HIVEP2: variants seen among roughly 807,000 people sequenced by gnomAD.
The protein encoded by HIVEP2 is transcription factor HIVEP2.
HIVEP2 carries 14 observed loss-of-function variants against 180.7 expected under a neutral mutation model. That is an observed-to-expected ratio of 0.08 (90% CI 0.05 to 0.12). The LOEUF (loss-of-function observed/expected upper bound fraction) is 0.12. HIVEP2 is among the 10% of genes least tolerant of loss of function. The pLI is 1.00. For synonymous variants in HIVEP2, 1,184 were observed against 1,136.4 expected (o/e 1.04, Z -0.84); for missense variants, 2,579 against 3,008.5 (o/e 0.86, Z 3.34).
chr6:142,771,621 G>T lies in HIVEP2; in HGVS notation c.3118C>A (p.Pro1040Thr). 6.2e-7 allele frequency: 1 copy of T among 1,614,154 alleles called. No individual in the cohort carries two copies. The change falls in exon 5 of 10, where the codon CCA (proline) becomes ACA (threonine). Residue 1040 changes from proline to threonine, a missense_variant. Physicochemically the swap from Pro to Thr is conservative, Grantham distance 38 (BLOSUM62 -1). This residue lies in a region of HIVEP2 where 523 missense variants were observed against 577.0 expected (regional missense o/e 0.91). Transcript: ENST00000367603. The surrounding 1 kb of genome is among the most constrained non-coding windows in gnomAD (Gnocchi z 5.4). ...CSSEQMPCPH[P>T]AEVPEVRSKS... Reference sequence around the variant, plus strand: ...CTCCGAACTTCTGGGACTTCCGCTGGGTGAGGACAAGGCATCTGCTCTGAT... The same window carrying T: ...CTCCGAACTTCTGGGACTTCCGCTGTGTGAGGACAAGGCATCTGCTCTGAT...
chr6:142,804,350 A>C (rs2114771276), intron 2 of HIVEP2, among the ~76,000 whole-genome samples: 1 of 152,268 alleles, frequency 6.6e-6, no homozygotes, highest in Non-Finnish European at 1.5e-5. Context: ...AGGTACAATA[A>C]TAGGGTCACA....
At chr6:142,880,153 T>C (rs1776546429) in intron 1 of HIVEP2, among the ~76,000 whole-genome samples, 1 of 152,150 alleles carries the variant, frequency 6.6e-6, no homozygotes, top group Non-Finnish European at 1.5e-5. Context: ...AAAGCAGGAA[T>C]ATTTCCCAGG....
chr6:142,764,638 TC>T lies in HIVEP2; in HGVS notation c.5518+160del, dbSNP rs571810265. Among the ~76,000 whole-genome samples, 7 of 152,330 alleles carry T rather than the reference TC, an allele frequency of 4.6e-5. No individual in the cohort carries two copies. In the East Asian group the frequency reaches 1.3e-3, roughly 29 times the overall value. Reference sequence around the variant, plus strand: ...AAGGAGCCTCACAGTCTCACATACATCCTTTGATCACTTACTTGAGGGAGAA... The same window carrying T: ...AAGGAGCCTCACAGTCTCACATACATCTTTGATCACTTACTTGAGGGAGAA... On this transcript the variant is annotated intron_variant, in intron 7 of 9. Transcript: ENST00000367603.
chr6:142,913,562 C>A (rs149697394), intron 1 of HIVEP2, among the ~76,000 whole-genome samples: 3 of 152,254 alleles, frequency 2.0e-5, no homozygotes, highest in Admixed American at 1.3e-4. Context: ...TTCCCACAAG[C>A]CTTGGAAGAA....
At chr6:142,866,888 TAAAAAGCG>T (rs1301551853) in intron 1 of HIVEP2, among the ~76,000 whole-genome samples, 1 of 152,048 alleles carries the variant, frequency 6.6e-6, no homozygotes, top group Non-Finnish European at 1.5e-5. Flanking sequence ...ACTATCTTTA[TAAAAAGCG>T]AAAAAGAAAA....
rs142363770 is a variant in HIVEP2 at position 142,844,298 on chromosome 6, T to C, written c.-640-7251A>G. The stretch of plus-strand genomic sequence containing the variant: ...ATAAACATTCAATCTCTAAACTTTT[T>C]TTTTTTAATGAAGAGAATTGCAGAG... On this transcript the variant is annotated intron_variant, in intron 1 of 9. Transcript: ENST00000367603. Among the ~76,000 whole-genome samples, 339 of 152,288 alleles carry C rather than the reference T, an allele frequency of 2.2e-3. 1 individual carries two copies. Among genetic ancestry groups the C allele is most frequent in the Non-Finnish European group, 3.3e-3 (225 of 68,008 alleles).
At chr6:142,878,230 CAG>C (rs1422938193) in intron 1 of HIVEP2, among the ~76,000 whole-genome samples, 1 of 152,148 alleles carries the variant, frequency 6.6e-6, no homozygotes, top group Non-Finnish European at 1.5e-5. Context: ...ATGATGGAAA[CAG>C]AGTGTACTCT....
chr6:142,817,866 C>A (rs1776884140), intron 2 of HIVEP2, among the ~76,000 whole-genome samples: 1 of 151,946 alleles, frequency 6.6e-6, no homozygotes, highest in African/African-American at 2.4e-5. Flanking sequence ...ATTAGCTGGG[C>A]CTGGTGGCAC....
At chr6:142,776,674 G>C (rs1051973252) in intron 3 of HIVEP2, among the ~76,000 whole-genome samples, 1 of 152,068 alleles carries the variant, frequency 6.6e-6, no homozygotes, top group Non-Finnish European at 1.5e-5. Context: ...TGGGACTAAA[G>C]GCATGCACCA....
chr6:142,828,948 A>G (rs1290527608), intron 2 of HIVEP2, among the ~76,000 whole-genome samples: 2 of 152,108 alleles, frequency 1.3e-5, no homozygotes, highest in Admixed American at 6.5e-5. Flanking sequence ...TAGAATATTC[A>G]TCTACAGTAT....
At chr6:142,781,423 C>T (rs979940418) in intron 3 of HIVEP2, among the ~76,000 whole-genome samples, 2 of 152,132 alleles carry the variant, frequency 1.3e-5, no homozygotes, top group Admixed American at 6.5e-5. Context: ...AAAATTTTCT[C>T]TAGTGGGTTT....
intron 1 of HIVEP2, among the ~76,000 whole-genome samples, chr6:142,893,704 C>T (rs544227127): frequency 3.5e-4 from 54 of 152,188 alleles, no homozygotes; most frequent in Non-Finnish European, 5.6e-4. Flanking sequence ...CTATCCAGTT[C>T]TATTCTACAA....
Position 142,774,375 on chromosome 6 carries a change from G to A in HIVEP2, c.364C>T (p.Pro122Ser), listed in dbSNP as rs2114665038. The change falls in exon 5 of 10, where the codon CCT becomes TCT. Residue 122 changes from proline (P) to serine (S), a missense_variant. By Grantham distance (74) the Pro-to-Ser change is moderately conservative. Around this residue, in one of 11 missense-constraint regions of HIVEP2, gnomAD observed 207 missense variants for 210.1 expected, o/e 0.99. Coordinates refer to ENST00000367603, the MANE Select transcript of HIVEP2 (RefSeq NM_006734.4). This position sits in a 1 kb window ranked among gnomAD's most constrained non-coding sequence, Gnocchi z 5.1. ...STKPHQSLEG[P>S]PWLFPGPLPS... ...AAAGGGCCAGGGAAAAGCCACGGAGGACCTTCGAGGCTCTGATGTGGCTTG... is the reference window on the plus strand; with the variant it reads ...AAAGGGCCAGGGAAAAGCCACGGAGAACCTTCGAGGCTCTGATGTGGCTTG... The A allele has an allele frequency of 6.2e-7, 1 of 1,614,186 alleles. No individual in the cohort carries two copies. The highest frequency in any genetic ancestry group is 8.5e-7 in the Non-Finnish European group (1 of 1,180,036).
At chr6:142,860,758 T>C (rs1424172614) in intron 1 of HIVEP2, among the ~76,000 whole-genome samples, 2 of 152,202 alleles carry the variant, frequency 1.3e-5, no homozygotes, top group African/African-American at 4.8e-5. Flanking sequence ...CCTCCTGCTG[T>C]GCAGCAGTTC....
chr6:142,821,966 A>G (rs776095302), intron 2 of HIVEP2, among the ~76,000 whole-genome samples: 1 of 152,226 alleles, frequency 6.6e-6, no homozygotes, highest in Non-Finnish European at 1.5e-5. Flanking sequence ...AAGTGCAAAC[A>G]AAGACAGAAG....
At chr6:142,923,968 T>TA (rs1674379496) in intron 1 of HIVEP2, among the ~76,000 whole-genome samples, 2 of 152,320 alleles carry the variant, frequency 1.3e-5, no homozygotes, top group South Asian at 4.1e-4. Flanking sequence ...AAGTGCTAGT[T>TA]AAAATGATTC....
chr6:142,938,209 CCTCCCA>C (rs530549991), intron 1 of HIVEP2, among the ~76,000 whole-genome samples: 195 of 152,198 alleles, frequency 1.3e-3, no homozygotes, highest in African/African-American at 4.6e-3. Context: ...ATCTTGCGTC[CCTCCCA>C]CCCCCACTCC....
chr6:142,876,787 C>CT (rs1776449956), intron 1 of HIVEP2, among the ~76,000 whole-genome samples: 1 of 152,002 alleles, frequency 6.6e-6, no homozygotes, highest in African/African-American at 2.4e-5. Flanking sequence ...CTTTGGGAGG[C>CT]CGAGGGAGGT....
intron 2 of HIVEP2, among the ~76,000 whole-genome samples, chr6:142,819,707 G>A (rs1776976662): frequency 6.6e-6 from 1 of 152,068 alleles, no homozygotes; most frequent in Admixed American, 6.6e-5. Context: ...GTGACCCTAT[G>A]GGAAAATTTT....
Sources: allele counts gnomAD v4.1 joint callset (sites outside exome capture counted in the v4.1 genomes callset), GRCh38; gene constraint gnomAD v4.1.1; regional missense constraint gnomAD v4.1.1; non-coding constraint Gnocchi (gnomAD v3.1); transcripts MANE v1.5; gene names NCBI Gene and HGNC (gene_info 2026-07-23, HGNC 2026-07-21).